Variants in DLG1 observed in about 807,000 individuals in gnomAD.
The protein encoded by DLG1 is discs large MAGUK scaffold protein 1, also known as disks large homolog 1.
DLG1 carries 42 observed loss-of-function variants against 123.4 expected under a neutral mutation model. The observed-to-expected ratio is 0.34, with a 90% CI of 0.27 to 0.44. The LOEUF (loss-of-function observed/expected upper bound fraction) is 0.44, where lower values mean the gene tolerates loss of function less well. Ranked by LOEUF, DLG1 falls within the 20% of genes least tolerant of loss-of-function variation. The pLI is 1.00. For synonymous variants in DLG1, 317 were observed against 356.2 expected, an observed-to-expected ratio of 0.89 and a Z score of 1.24; for missense variants, 942 against 1,082.6, an observed-to-expected ratio of 0.87 and a Z score of 1.82.
chr3:197,224,075 A>T (rs994383971), intron 4 of DLG1, among the ~76,000 whole-genome samples: 1 of 152,198 alleles, frequency 6.6e-6, no homozygotes, highest in Non-Finnish European at 1.5e-5. Context: ...GATTTCCTAA[A>T]TTGTAAACAT....
At chr3:197,076,951 TTAC>T (rs1419236923) in intron 17 of DLG1, among the ~76,000 whole-genome samples, 1 of 152,180 alleles carries the variant, frequency 6.6e-6, no homozygotes, top group African/African-American at 2.4e-5. Context: ...GGCAAATCAG[TTAC>T]TACTACAGTA....
chr3:197,180,503 G>A (rs1809643820), intron 5 of DLG1, among the ~76,000 whole-genome samples: 1 of 152,080 alleles, frequency 6.6e-6, no homozygotes, highest in South Asian at 2.1e-4. Context: ...ACACTATGAA[G>A]CCTCAAACTG....
chr3:197,072,461 A>G (rs1744559495), intron 18 of DLG1, among the ~76,000 whole-genome samples: 1 of 152,148 alleles, frequency 6.6e-6, no homozygotes, highest in Admixed American at 6.5e-5. Context: ...AAGTCTGCCA[A>G]AGTGACAGGT....
At chr3:197,240,816 C>T (rs1303113957) in intron 4 of DLG1, among the ~76,000 whole-genome samples, 1 of 151,824 alleles carries the variant, frequency 6.6e-6, no homozygotes, top group Non-Finnish European at 1.5e-5. Flanking sequence ...GAGGATCAAG[C>T]AGAGTAAACA....
At chr3:197,212,029 G>A (rs1383778769) in intron 4 of DLG1, among the ~76,000 whole-genome samples, 2 of 146,274 alleles carry the variant, frequency 1.4e-5, no homozygotes, top group African/African-American at 4.9e-5. Flanking sequence ...TTATAAGTGG[G>A]AACTAAACGA....
chr3:197,163,345 G>T (rs1227445442), intron 5 of DLG1, among the ~76,000 whole-genome samples: 3 of 152,058 alleles, frequency 2.0e-5, no homozygotes, highest in African/African-American at 7.2e-5. Flanking sequence ...CTAGCAATTG[G>T]GTAGGTAAAT....
intron 3 of DLG1, among the ~76,000 whole-genome samples, chr3:197,288,653 G>A (rs544448362): frequency 7.8e-4 from 116 of 149,582 alleles, no homozygotes; most frequent in African/African-American, 2.7e-3. Context: ...CCTAGGAGGC[G>A]GAGGTTGTGG....
At chr3:197,259,554 T>TA (rs1342176886) in intron 4 of DLG1, among the ~76,000 whole-genome samples, 6 of 151,998 alleles carry the variant, frequency 3.9e-5, no homozygotes, top group Admixed American at 3.3e-4. Flanking sequence ...TGCATAGAAA[T>TA]AAAAAAAGGT....
chr3:197,112,402 T>C (rs1011992743), intron 13 of DLG1, among the ~76,000 whole-genome samples: 1 of 152,212 alleles, frequency 6.6e-6, no homozygotes, highest in Non-Finnish European at 1.5e-5. Context: ...CCTTTTCATG[T>C]GCTTACTGGC....
intron 14 of DLG1, among the ~76,000 whole-genome samples, chr3:197,100,620 T>C (rs984569052): frequency 5.9e-5 from 9 of 152,108 alleles, no homozygotes; most frequent in African/African-American, 1.7e-4. Flanking sequence ...TAAGATTAAA[T>C]ATTTGAGGTG....
rs775238123 is a variant in DLG1 at position 197,069,269 on chromosome 3, G to A, written c.2006-9C>T. ...ATTAGAAGTTACATGCTCTGAAATT[G>A]CAGGACAATGAAAAAAAATAAAACA... On this transcript the variant is annotated splice_polypyrimidine_tract_variant and intron_variant, in intron 18 of 24. Transcript: ENST00000667157. The A allele has an allele frequency of 1.5e-5, 23 of 1,574,232 alleles. No homozygotes were observed. Among genetic ancestry groups the A allele is most frequent in the Non-Finnish European group, 1.7e-5 (20 of 1,158,118 alleles).
intron 5 of DLG1, among the ~76,000 whole-genome samples, chr3:197,193,067 T>C (rs976613397): frequency 7.2e-5 from 11 of 152,154 alleles, no homozygotes; most frequent in African/African-American, 2.7e-4. Flanking sequence ...TAACCAGTAG[T>C]ATGATATCAC....
chr3:197,112,769 T>A (rs9866392), intron 13 of DLG1, among the ~76,000 whole-genome samples: 45,869 of 150,294 alleles, frequency 0.31, 7,269 homozygotes, highest in South Asian at 0.41. Flanking sequence ...TAAAAAAAAA[T>A]TTTTTTTTTA....
chr3:197,153,617 G>A (rs1356377666), intron 5 of DLG1, among the ~76,000 whole-genome samples: 3 of 152,174 alleles, frequency 2.0e-5, no homozygotes, highest in Non-Finnish European at 1.5e-5. Flanking sequence ...CTCCCAGGCT[G>A]AACTGACTTC....
At chr3:197,283,985 C>T (rs765653871) in intron 3 of DLG1, among the ~76,000 whole-genome samples, 12 of 151,598 alleles carry the variant, frequency 7.9e-5, no homozygotes, top group African/African-American at 2.7e-4. Context: ...ACTCAGCCTC[C>T]GAGTAGCTGG....
Position 197,116,044 on chromosome 3 carries a change from G to A in DLG1, c.1326C>T (p.Gly442=). Residue 442 remains glycine, a synonymous_variant, in exon 13 of 25, where the codon GGC becomes GGT. Transcript: ENST00000667157. ...RKVVLHRGST[G]LGFNIVGGED... The stretch of plus-strand genomic sequence containing the variant: ...CTCCTCCTACAATGTTGAAACCAAG[G>A]CCCGTTGAGCCACGATGAAGAACAA... The A allele has an allele frequency of 6.2e-7, 1 of 1,609,760 alleles. No homozygotes were observed. The highest frequency in any genetic ancestry group is 1.1e-5 in the South Asian group (1 of 89,722).
intron 24 of DLG1, among the ~76,000 whole-genome samples, chr3:197,047,117 A>T (rs903179774): frequency 1.3e-5 from 2 of 152,228 alleles, no homozygotes; most frequent in Non-Finnish European, 2.9e-5. Context: ...TAAAGAGATT[A>T]GAAGAATAGT....
chr3:197,191,901 T>G (rs1719794475), intron 5 of DLG1, among the ~76,000 whole-genome samples: 1 of 152,074 alleles, frequency 6.6e-6, no homozygotes, highest in African/African-American at 2.4e-5. Context: ...ATGAGCCAGG[T>G]GCAGTGGCTC....
chr3:197,090,086 A>C (rs1331347415), intron 15 of DLG1, among the ~76,000 whole-genome samples: 3 of 152,218 alleles, frequency 2.0e-5, no homozygotes, highest in Non-Finnish European at 4.4e-5. Context: ...TATATGTAAC[A>C]TATCTCTCTC....
Sources: gnomAD v4.1 joint callset for allele counts (sites outside exome capture counted in the v4.1 genomes callset) on GRCh38, gnomAD v4.1.1 for gene constraint, MANE v1.5 for transcripts, NCBI Gene and HGNC (gene_info 2026-07-23, HGNC 2026-07-21) for gene names.